Variants in INSR observed in about 807,000 individuals in gnomAD.
INSR encodes IR.
In INSR, 67 loss-of-function variants were observed where a neutral mutation model predicts 142.6. The observed-to-expected ratio is 0.47, with a 90% CI of 0.39 to 0.58. The LOEUF is 0.58. Among genes scored for constraint, INSR ranks in the 20% least tolerant of loss-of-function variants. The probability of loss-of-function intolerance (pLI) is 0.00; values close to 1 mark genes in which losing one functional copy is unlikely to be tolerated. For synonymous variants in INSR, 756 were observed against 743.1 expected (o/e 1.02, Z -0.28); for missense variants, 1,248 against 1,833.2 (o/e 0.68, Z 5.83).
intron 2 of INSR, among the ~76,000 whole-genome samples, chr19:7,195,390 C>T (rs1335838596): frequency 6.6e-6 from 1 of 152,158 alleles, no homozygotes; most frequent in Non-Finnish European, 1.5e-5. Flanking sequence ...CACGTGTAAT[C>T]CCAGCACTTT....
Position 7,128,402 on chromosome 19 carries a change from C to T in INSR, c.2945+450G>A, listed in dbSNP as rs112142378. Among the ~76,000 whole-genome samples, 1,104 of 151,832 alleles carry T rather than the reference C, an allele frequency of 7.3e-3. 17 individuals are homozygous for T. The highest frequency in any genetic ancestry group is 0.025 in the African/African-American group (1,028 of 41,414). Reference sequence around the variant, plus strand: ...AATTTTTTAGTATTTTTAGTAGAGACGAGGTTTCACCATGTTGGCCAGGCT... The same window carrying T: ...AATTTTTTAGTATTTTTAGTAGAGATGAGGTTTCACCATGTTGGCCAGGCT... On this transcript the variant is annotated intron_variant, in intron 15 of 21. Transcript: ENST00000302850.
At chr19:7,289,701 C>G (rs1029887262) in intron 1 of INSR, among the ~76,000 whole-genome samples, 1 of 152,050 alleles carries the variant, frequency 6.6e-6, no homozygotes, top group Admixed American at 6.6e-5. Flanking sequence ...CCACTGCACC[C>G]GGCCGAGGAT....
At chr19:7,181,073 T>C (rs956459838) in intron 3 of INSR, among the ~76,000 whole-genome samples, 8 of 152,110 alleles carry the variant, frequency 5.3e-5, no homozygotes, top group Admixed American at 5.2e-4. Flanking sequence ...CCCGAGTAGC[T>C]GGGATTACAG....
At chr19:7,230,996 C>T (rs76440162) in intron 2 of INSR, among the ~76,000 whole-genome samples, 2 of 152,142 alleles carry the variant, frequency 1.3e-5, no homozygotes, top group Non-Finnish European at 2.9e-5. Flanking sequence ...AGCGGAGCTG[C>T]GGCCTTTAGA....
At chr19:7,143,424 G>A (rs891764349) in intron 11 of INSR, among the ~76,000 whole-genome samples, 8 of 152,206 alleles carry the variant, frequency 5.3e-5, no homozygotes, top group African/African-American at 1.9e-4. Context: ...GCCAGGGTCA[G>A]TGACAAAAAT....
intron 2 of INSR, among the ~76,000 whole-genome samples, chr19:7,188,557 A>G: frequency 6.6e-6 from 1 of 151,158 alleles, no homozygotes; most frequent in Admixed American, 6.6e-5. Context: ...CCAAAAAAAA[A>G]AAAAAAACAA....
chr19:7,268,054 C>G (rs1967794942), intron 1 of INSR, among the ~76,000 whole-genome samples, 158 bp from the exon 2 acceptor site: 1 of 152,120 alleles, frequency 6.6e-6, no homozygotes, highest in African/African-American at 2.4e-5. Flanking sequence ...GGATGAGTAG[C>G]TTTCTCTGTA....
chr19:7,148,212 C>A (rs1973228780), intron 11 of INSR, among the ~76,000 whole-genome samples: 1 of 152,116 alleles, frequency 6.6e-6, no homozygotes, highest in Admixed American at 6.6e-5. Flanking sequence ...TGAGCCACAG[C>A]ACCTGGCCTA....
At chr19:7,255,010 CCGGCCCCCCT>C (rs1253709477) in intron 2 of INSR, among the ~76,000 whole-genome samples, 1 of 152,034 alleles carries the variant, frequency 6.6e-6, no homozygotes, top group East Asian at 1.9e-4. Context: ...TCAGCCTCCC[CCGGCCCCCCT>C]CCCCGGTCCC....
intron 2 of INSR, among the ~76,000 whole-genome samples, chr19:7,220,155 T>C (rs1220785806): frequency 6.6e-6 from 1 of 152,208 alleles, no homozygotes; most frequent in East Asian, 1.9e-4. Flanking sequence ...AAGCAAAATA[T>C]GATTCTAACC....
intron 2 of INSR, among the ~76,000 whole-genome samples, chr19:7,218,505 TTC>T (rs908773088): frequency 3.3e-5 from 5 of 151,594 alleles, no homozygotes; most frequent in African/African-American, 1.2e-4. Flanking sequence ...TGTTGGTTTT[TTC>T]TGTTTGTTTG....
At chr19:7,257,792 C>G (rs928927609) in intron 2 of INSR, among the ~76,000 whole-genome samples, 1 of 152,140 alleles carries the variant, frequency 6.6e-6, no homozygotes, top group Non-Finnish European at 1.5e-5. Flanking sequence ...GCTCCCAAGT[C>G]CCACTGAAAC....
At chr19:7,158,061 TA>T (rs1973645004) in intron 9 of INSR, among the ~76,000 whole-genome samples, 6 of 135,694 alleles carry the variant, frequency 4.4e-5, no homozygotes, top group South Asian at 2.2e-4. Flanking sequence ...TTATTATTAT[TA>T]TTATTATTAT....
intron 1 of INSR, among the ~76,000 whole-genome samples, chr19:7,270,503 G>A (rs1967889266): frequency 6.6e-6 from 1 of 152,088 alleles, no homozygotes; most frequent in African/African-American, 2.4e-5. Context: ...TGTAATCCCA[G>A]CAGTTTGGGA....
chr19:7,230,039 G>A (rs1568204871), intron 2 of INSR, among the ~76,000 whole-genome samples: 1 of 152,022 alleles, frequency 6.6e-6, no homozygotes, highest in Non-Finnish European at 1.5e-5. Context: ...GAAGTCTTCT[G>A]CCTCAACCTC....
chr19:7,239,020 A>G (rs1976255935), intron 2 of INSR, among the ~76,000 whole-genome samples: 1 of 149,010 alleles, frequency 6.7e-6, no homozygotes, highest in South Asian at 2.1e-4. Context: ...TGCATGTCCT[A>G]TTATTACTAC....
At chr19:7,249,909 T>C (rs2145170904) in intron 2 of INSR, among the ~76,000 whole-genome samples, 1 of 152,040 alleles carries the variant, frequency 6.6e-6, no homozygotes, top group East Asian at 1.9e-4. Context: ...GGAGAATCAC[T>C]TGAGCCCAAG....
chr19:7,249,357 G>A (rs746629985), intron 2 of INSR, among the ~76,000 whole-genome samples: 3 of 151,614 alleles, frequency 2.0e-5, no homozygotes, highest in African/African-American at 4.9e-5. Flanking sequence ...TACCTTTCTC[G>A]CTTATAAAAA....
intron 9 of INSR, among the ~76,000 whole-genome samples, chr19:7,156,170 C>T (rs765231313): frequency 6.9e-6 from 1 of 145,804 alleles, no homozygotes; most frequent in Non-Finnish European, 1.5e-5. Context: ...AAGTGAGTCT[C>T]CTGCCTCAGC....
Sources: gnomAD v4.1 joint callset for allele counts (sites outside exome capture counted in the v4.1 genomes callset) on GRCh38, gnomAD v4.1.1 for gene constraint, MANE v1.5 for transcripts, NCBI Gene and HGNC (gene_info 2026-07-23, HGNC 2026-07-21) for gene names.